The following PAPPA variants were observed in gnomAD, a reference collection of about 807,000 sequenced individuals.
PAPPA encodes the protein pappalysin 1.
In PAPPA, 60 loss-of-function variants were observed where a neutral mutation model predicts 164.0. The ratio of observed to expected loss-of-function variants is 0.37; its 90% CI spans 0.30 to 0.45. The LOEUF (loss-of-function observed/expected upper bound fraction) is 0.45. PAPPA is among the 20% of genes least tolerant of loss of function. PAPPA has a pLI of 1.00. For missense variants in PAPPA, 1,782 were observed against 2,087.3 expected, an observed-to-expected ratio of 0.85 and a Z score of 2.85; for synonymous variants, 875 against 814.1, an observed-to-expected ratio of 1.07 and a Z score of -1.27.
chr9:116,221,165 C>G (rs1292054440), intron 5 of PAPPA, among the ~76,000 whole-genome samples: 2 of 152,130 alleles, frequency 1.3e-5, no homozygotes, highest in Non-Finnish European at 2.9e-5. Context: ...AGACCTGAAT[C>G]AAGTGGTCTC....
Position 116,154,165 on chromosome 9 carries a change from C to G in PAPPA, c.-8C>G, listed in dbSNP as rs1342470610. On this transcript the variant is annotated 5_prime_UTR_variant, in exon 1 of 22. Transcript: ENST00000328252. This position sits in a 1 kb window ranked among gnomAD's most constrained non-coding sequence, Gnocchi z 5.2. ...GGGGCGAAGGGGGGGCGGGGGGAACCGTCGGACATGCGGCTCTGGAGTTGG... is the reference window on the plus strand; with the variant it reads ...GGGGCGAAGGGGGGGCGGGGGGAACGGTCGGACATGCGGCTCTGGAGTTGG... The G allele has an allele frequency of 4.7e-6, 7 of 1,477,586 alleles. No individual in the cohort carries two copies. The highest frequency in any genetic ancestry group is 4.4e-5 in the African/African-American group (3 of 68,862). 91.5% of individuals were successfully genotyped at this position (1,477,586 alleles called of 1,614,324 possible). A position where few individuals can be genotyped will look rare whatever the true frequency, so the allele number is the denominator to read the frequency against.
At chr9:116,325,573 G>A (rs1273591642) in intron 10 of PAPPA, among the ~76,000 whole-genome samples, 3 of 152,102 alleles carry the variant, frequency 2.0e-5, no homozygotes, top group South Asian at 2.1e-4. Flanking sequence ...AGTGCCCCCC[G>A]CCCCCAAGGC....
chr9:116,376,221 A>G (rs995018472), intron 19 of PAPPA, among the ~76,000 whole-genome samples: 7 of 152,054 alleles, frequency 4.6e-5, no homozygotes, highest in Non-Finnish European at 8.8e-5. Flanking sequence ...GGGTTTCACC[A>G]TGTTGGCCAG....
intron 2 of PAPPA, among the ~76,000 whole-genome samples, chr9:116,203,189 G>T (rs1006018540): frequency 6.6e-6 from 1 of 152,192 alleles, no homozygotes; most frequent in Admixed American, 6.5e-5. Flanking sequence ...ATACAAAATT[G>T]CTGCTATACA....
intron 2 of PAPPA, among the ~76,000 whole-genome samples, chr9:116,188,815 T>C (rs756401563): frequency 2.4e-4 from 37 of 152,284 alleles, no homozygotes; most frequent in South Asian, 4.2e-4. Flanking sequence ...ACTTCTTCAT[T>C]TTGTAACTTC....
intron 7 of PAPPA, among the ~76,000 whole-genome samples, chr9:116,237,358 T>A (rs1844680893): frequency 6.6e-6 from 1 of 152,216 alleles, no homozygotes; most frequent in African/African-American, 2.4e-5. Context: ...CTCTTCCATC[T>A]CCTCACTTGT....
chr9:116,276,164 A>T (rs932843662), intron 9 of PAPPA, among the ~76,000 whole-genome samples: 2 of 152,210 alleles, frequency 1.3e-5, no homozygotes, highest in African/African-American at 4.8e-5. Flanking sequence ...TGTTCACAGC[A>T]TTGGGAATTC....
chr9:116,388,529 G>A (rs936882002), intron 21 of PAPPA, among the ~76,000 whole-genome samples: 2 of 152,206 alleles, frequency 1.3e-5, no homozygotes, highest in African/African-American at 4.8e-5. Context: ...GATTCTTATA[G>A]ATGTCTGGGG....
chr9:116,296,389 T>C (rs1845506488), intron 9 of PAPPA, among the ~76,000 whole-genome samples: 1 of 152,230 alleles, frequency 6.6e-6, no homozygotes, highest in African/African-American at 2.4e-5. Flanking sequence ...CATTTGTTGT[T>C]TATCTAGTCA....
chr9:116,334,255 A>AC (rs1279010274), intron 12 of PAPPA, among the ~76,000 whole-genome samples: 2 of 151,184 alleles, frequency 1.3e-5, no homozygotes, highest in African/African-American at 2.4e-5. Context: ...AAAAAAAAAA[A>AC]AAAAACAGGG....
At chr9:116,314,575 G>A (rs887929483) in intron 10 of PAPPA, among the ~76,000 whole-genome samples, 4 of 152,108 alleles carry the variant, frequency 2.6e-5, no homozygotes, top group Admixed American at 2.6e-4. Flanking sequence ...TGTTCCCCAT[G>A]GCCTATAAAC....
intron 7 of PAPPA, among the ~76,000 whole-genome samples, chr9:116,244,582 C>T (rs1439477288): frequency 2.0e-5 from 3 of 151,970 alleles, no homozygotes; most frequent in African/African-American, 7.3e-5. Context: ...GAGTATACAT[C>T]CCCCTTAAAT....
intron 2 of PAPPA, among the ~76,000 whole-genome samples, chr9:116,192,652 TG>T (rs983105107): frequency 3.3e-5 from 5 of 152,188 alleles, no homozygotes; most frequent in African/African-American, 1.2e-4. Context: ...GAGCAGTCTG[TG>T]TGAGCAGTAA....
chr9:116,154,279 G>T lies in PAPPA; in HGVS notation c.107G>T (p.Arg36Leu). The T allele has an allele frequency of 9.7e-7, 1 of 1,026,990 alleles. No homozygotes were observed. The highest frequency in any genetic ancestry group is 4.5e-5 in the South Asian group (1 of 22,294). The allele number at this position is 1,026,990 out of a possible 1,614,324, so 63.6% of individuals were successfully genotyped here. A position where few individuals can be genotyped will look rare whatever the true frequency, so the allele number is the denominator to read the frequency against. The change falls in exon 1 of 22, where the codon CGA becomes CTA. Residue 36 changes from arginine to leucine, a missense_variant. Arg to Leu is a moderately radical substitution (Grantham distance 102, BLOSUM62 -2). Transcript: ENST00000328252. The surrounding 1 kb of genome is among the most constrained non-coding windows in gnomAD (Gnocchi z 5.2). ...RRARRDPRAGRPPRPAAGPAT... is the reference protein window; with the variant it reads ...RRARRDPRAGLPPRPAAGPAT... ...GCCCGGAGAGACCCGCGGGCCGGCC[G>T]ACCCCCGCGCCCCGCCGCCGGCCCG...
At chr9:116,168,659 C>A (rs900526542) in intron 1 of PAPPA, among the ~76,000 whole-genome samples, 2 of 152,130 alleles carry the variant, frequency 1.3e-5, no homozygotes, top group African/African-American at 2.4e-5. Context: ...AACATATAGC[C>A]ATAAATCAAA....
intron 10 of PAPPA, among the ~76,000 whole-genome samples, chr9:116,329,108 G>C (rs1008891946): frequency 1.3e-5 from 2 of 152,146 alleles, no homozygotes; most frequent in African/African-American, 4.8e-5. Context: ...AGAAGTAATG[G>C]AAAGAGAGAC....
chr9:116,384,862 G>A (rs1461044326), intron 21 of PAPPA, among the ~76,000 whole-genome samples: 1 of 152,118 alleles, frequency 6.6e-6, no homozygotes, highest in African/African-American at 2.4e-5. Flanking sequence ...CAGAATTATG[G>A]CTCCATCTGA....
intron 1 of PAPPA, among the ~76,000 whole-genome samples, chr9:116,186,813 T>A (rs1843976297): frequency 6.6e-6 from 1 of 152,248 alleles, no homozygotes; most frequent in Non-Finnish European, 1.5e-5. Context: ...TTATTGCTGC[T>A]GTTGTTGCAA....
intron 19 of PAPPA, among the ~76,000 whole-genome samples, chr9:116,368,609 C>T (rs2118652454): frequency 6.6e-6 from 1 of 152,352 alleles, no homozygotes; most frequent in African/African-American, 2.4e-5. Flanking sequence ...TGATGTGGGC[C>T]CTGCTTTTCT....
Sources: allele counts gnomAD v4.1 joint callset (sites outside exome capture counted in the v4.1 genomes callset), GRCh38; gene constraint gnomAD v4.1.1; non-coding constraint Gnocchi (gnomAD v3.1); transcripts MANE v1.5; gene names NCBI Gene and HGNC (gene_info 2026-07-23, HGNC 2026-07-21).